STK24: variants seen among roughly 807,000 people sequenced by gnomAD.
STK24 encodes serine/threonine kinase 24, also known as serine/threonine-protein kinase 24.
In STK24, 21 loss-of-function variants were observed where a neutral mutation model predicts 55.6. That is an observed-to-expected ratio of 0.38 (90% confidence interval 0.27 to 0.54). The LOEUF (loss-of-function observed/expected upper bound fraction) is 0.54. Ranked by LOEUF, STK24 falls within the 20% of genes least tolerant of loss-of-function variation. The probability of loss-of-function intolerance (pLI) is 0.79; values close to 1 mark genes in which losing one functional copy is unlikely to be tolerated. For synonymous variants in STK24, 200 were observed against 215.2 expected (o/e 0.93, Z 0.62); for missense variants, 383 against 538.4 (o/e 0.71, Z 2.86).
chr13:98,572,444 G>A (rs1482264572), intron 1 of STK24, among the ~76,000 whole-genome samples: 3 of 152,122 alleles, frequency 2.0e-5, no homozygotes, highest in African/African-American at 7.2e-5. Context: ...AGAACCCGTG[G>A]AAATGTGACA....
At chr13:98,491,003 C>A (rs2139322352) in intron 2 of STK24, among the ~76,000 whole-genome samples, 1 of 151,676 alleles carries the variant, frequency 6.6e-6, no homozygotes, top group East Asian at 1.9e-4. Flanking sequence ...ACCAGCCCAG[C>A]ACAGAAAGCC....
chr13:98,477,881 C>A (rs1040386493), intron 3 of STK24, among the ~76,000 whole-genome samples: 2 of 152,134 alleles, frequency 1.3e-5, no homozygotes, highest in African/African-American at 2.4e-5. Flanking sequence ...GAGGAACACT[C>A]ATGGAAAATC....
chr13:98,535,295 C>T (rs1896684688), intron 1 of STK24, among the ~76,000 whole-genome samples: 1 of 142,098 alleles, frequency 7.0e-6, no homozygotes, highest in Non-Finnish European at 1.6e-5. Flanking sequence ...CAAGATCACG[C>T]CATTGCACTC....
intron 1 of STK24, among the ~76,000 whole-genome samples, chr13:98,544,414 G>A (rs1389706321): frequency 6.6e-6 from 1 of 152,234 alleles, no homozygotes; most frequent in Admixed American, 6.5e-5. Flanking sequence ...GTGGGCCCCA[G>A]GCAACTGGGC....
intron 2 of STK24, among the ~76,000 whole-genome samples, chr13:98,494,421 A>AAAAAAAAAAAAAAAAAAAAAC (rs1895169685): frequency 6.7e-6 from 1 of 149,612 alleles, no homozygotes; most frequent in Non-Finnish European, 1.5e-5. Context: ...TCAAAAAAAA[A>AAAAAAAAAAAAAAAAAAAAAC]AAAAAAAGTG....
At chr13:98,519,191 G>A in intron 2 of STK24, 52 bp downstream of exon 2, 2 of 1,454,622 alleles carry the variant, frequency 1.4e-6, no homozygotes, top group Non-Finnish European at 9.6e-7. Context: ...TTCCCTGCTG[G>A]CACCTCAGCC....
chr13:98,519,420 C>G lies in STK24; in HGVS notation c.96G>C (p.Lys32Asn), dbSNP rs780709997. 1.2e-6 allele frequency: 2 copies of G among 1,614,212 alleles called. No individual in the cohort carries two copies. The highest frequency in any genetic ancestry group is 1.7e-6 in the Non-Finnish European group (2 of 1,180,046). ...CTTTGAACACCTCTCCAAAGGAGCC[C>G]TTCCCAATTTTCTCTAGTTTTGTAA... The part of the protein sequence containing the change: ...ELFTKLEKIG[K>N]GSFGEVFKGI... The change falls in exon 2 of 11, where the codon AAG becomes AAC. Residue 32 changes from lysine to asparagine, a missense_variant. Physicochemically the swap from Lys to Asn is moderately conservative, Grantham distance 94. Transcript: ENST00000539966.
Position 98,446,156 on chromosome 13 carries a change from T to C in STK24, c.*7017A>G. The C allele has an allele frequency of 6.2e-7, 1 of 1,614,104 alleles. No homozygotes were observed. The highest frequency in any genetic ancestry group is 8.5e-7 in the Non-Finnish European group (1 of 1,179,946). ...AAAAACAGCAACGGGTGGCAGAAGCTGTGGGTGGTGTTCACAAACTTCTGC... is the reference window on the plus strand; with the variant it reads ...AAAAACAGCAACGGGTGGCAGAAGCCGTGGGTGGTGTTCACAAACTTCTGC... On this transcript the variant is annotated 3_prime_UTR_variant, in exon 11 of 11. Coordinates refer to ENST00000539966, the MANE Select transcript of STK24 (RefSeq NM_001032296.4).
chr13:98,467,828 C>T (rs538839124), intron 5 of STK24, among the ~76,000 whole-genome samples: 1 of 152,278 alleles, frequency 6.6e-6, no homozygotes, highest in Non-Finnish European at 1.5e-5. Flanking sequence ...GCTGATGAGA[C>T]ATTGACAGCA....
intron 6 of STK24, among the ~76,000 whole-genome samples, 156 bp from the exon 7 acceptor site, chr13:98,463,992 G>A (rs941088524): frequency 1.3e-5 from 2 of 152,154 alleles, no homozygotes; most frequent in African/African-American, 2.4e-5. Flanking sequence ...ACCCAAAGAC[G>A]AGTCGCTCAG....
At chr13:98,484,020 G>A (rs768761828) in intron 2 of STK24, among the ~76,000 whole-genome samples, 2 of 152,174 alleles carry the variant, frequency 1.3e-5, no homozygotes, top group African/African-American at 2.4e-5. Flanking sequence ...CGGAAACCTC[G>A]AATGATGTGT....
Position 98,461,883 on chromosome 13 carries a change from T to C in STK24, c.944A>G (p.Gln315Arg). 6.2e-7 allele frequency: 1 copy of C among 1,614,084 alleles called. No individual in the cohort carries two copies. Among genetic ancestry groups the C allele is most frequent in the Non-Finnish European group, 8.5e-7 (1 of 1,179,950 alleles). Residue 315 changes from glutamine to arginine, a missense_variant, in exon 8 of 11, where the codon CAA becomes CGA. Transcript: ENST00000539966. Reference protein sequence around the residue: ...SEDSDAETDGQASGGSDSGDW... With the variant: ...SEDSDAETDGRASGGSDSGDW... ...CCCAGAATCACTGCCCCCCGAGGCT[T>C]GGCCATCTGTTTCCCTTAACACAGA...
chr13:98,543,867 A>G (rs4772099), intron 1 of STK24, among the ~76,000 whole-genome samples: 1 of 152,064 alleles, frequency 6.6e-6, no homozygotes, highest in African/African-American at 2.4e-5. Flanking sequence ...ACCCACACGC[A>G]TAAACCACAT....
intron 2 of STK24, among the ~76,000 whole-genome samples, chr13:98,491,877 T>C (rs1895050284): frequency 6.6e-6 from 1 of 152,000 alleles, no homozygotes. Flanking sequence ...CCATTTGCAA[T>C]AGAGCAATAA....
At chr13:98,506,272 C>T (rs546922381) in intron 2 of STK24, among the ~76,000 whole-genome samples, 2 of 152,306 alleles carry the variant, frequency 1.3e-5, no homozygotes, top group South Asian at 4.1e-4. Flanking sequence ...GGACCCTGTG[C>T]TAGGATGCAA....
rs752236183 is a variant in STK24, at chr13:98,446,809, G to A, written c.*6364C>T. The A allele has an allele frequency of 8.1e-6, 13 of 1,613,944 alleles. No individual in the cohort carries two copies. Among genetic ancestry groups the A allele is most frequent in the Admixed American group, 3.3e-5 (2 of 60,010 alleles). On this transcript the variant is annotated 3_prime_UTR_variant, in exon 11 of 11. Transcript: ENST00000539966. ...ACTTCAGGGCGGAAAGCGAGTACAC[G>A]TTCGAAAGGTAGACACCCCCTTCCC...
chr13:98,475,142 C>T, intron 4 of STK24, 108 bp downstream of exon 4: 1 of 1,395,058 alleles, frequency 7.2e-7, no homozygotes, highest in Non-Finnish European at 9.7e-7. Flanking sequence ...CCAGGCAAGG[C>T]AAACGTGCAG....
intron 1 of STK24, among the ~76,000 whole-genome samples, chr13:98,557,962 A>G (rs1343649101): frequency 6.6e-6 from 1 of 152,160 alleles, no homozygotes; most frequent in Non-Finnish European, 1.5e-5. Context: ...GAGCTCAGCC[A>G]TTGTTTCCTT....
chr13:98,499,140 G>C (rs1343133041), intron 2 of STK24, among the ~76,000 whole-genome samples: 1 of 151,980 alleles, frequency 6.6e-6, no homozygotes, highest in East Asian at 1.9e-4. Flanking sequence ...CGGGAGGCTG[G>C]GGCAGCAGAA....
Sources: gnomAD v4.1 joint callset for allele counts (sites outside exome capture counted in the v4.1 genomes callset) on GRCh38, gnomAD v4.1.1 for gene constraint, MANE v1.5 for transcripts, NCBI Gene and HGNC (gene_info 2026-07-23, HGNC 2026-07-21) for gene names.